Variants in SMOC1 observed in about 807,000 individuals in gnomAD.
The protein encoded by SMOC1 is SPARC-related modular calcium-binding protein 1.
Under a neutral mutation model 56.3 loss-of-function variants are expected in SMOC1, and 22 were observed. The ratio of observed to expected loss-of-function variants is 0.39; its 90% confidence interval spans 0.28 to 0.56. The LOEUF is 0.56. SMOC1 is among the 20% of genes least tolerant of loss of function. SMOC1 has a pLI of 0.61. For missense variants in SMOC1, 509 were observed against 565.4 expected, an observed-to-expected ratio of 0.90 and a Z score of 1.01; for synonymous variants, 193 against 215.0, an observed-to-expected ratio of 0.90 and a Z score of 0.89.
intron 5 of SMOC1, among the ~76,000 whole-genome samples, chr14:69,980,320 C>T (rs1237967520): frequency 1.3e-5 from 2 of 152,158 alleles, no homozygotes; most frequent in Non-Finnish European, 1.5e-5. Flanking sequence ...TCGATGGGTC[C>T]CTTCCTCCAA....
At chr14:70,028,512 T>G (rs1382886897) in intron 11 of SMOC1, among the ~76,000 whole-genome samples, 1 of 152,214 alleles carries the variant, frequency 6.6e-6, no homozygotes, top group Non-Finnish European at 1.5e-5. Context: ...TCAAATAAAG[T>G]CGCTCTGAGG....
chr14:69,930,271 A>G (rs745643891), intron 1 of SMOC1, among the ~76,000 whole-genome samples: 2 of 151,140 alleles, frequency 1.3e-5, no homozygotes, highest in Non-Finnish European at 2.9e-5. Flanking sequence ...GAGGGACCTC[A>G]CTGCCCATCC....
chr14:70,026,518 G>T (rs1284627990), intron 11 of SMOC1, among the ~76,000 whole-genome samples: 1 of 152,218 alleles, frequency 6.6e-6, no homozygotes, highest in Non-Finnish European at 1.5e-5. Flanking sequence ...TAGATTTAGG[G>T]ATCCCTGGTC....
intron 7 of SMOC1, among the ~76,000 whole-genome samples, chr14:69,995,639 A>G (rs748417565): frequency 6.6e-6 from 1 of 152,256 alleles, no homozygotes; most frequent in Non-Finnish European, 1.5e-5. Flanking sequence ...CTCAATTCTC[A>G]TTCACAAAAT....
intron 11 of SMOC1, among the ~76,000 whole-genome samples, chr14:70,025,430 G>T (rs1266624925): frequency 1.3e-5 from 2 of 152,166 alleles, no homozygotes; most frequent in African/African-American, 4.8e-5. Flanking sequence ...TGGTTCTGGG[G>T]CTTACTGGTG....
chr14:69,900,778 A>G lies in SMOC1; in HGVS notation c.99+21001A>G, dbSNP rs998740590. 5.0e-4 allele frequency among the ~76,000 whole-genome samples: 76 copies of G among 152,228 alleles called. 6 individuals carry two copies. Among genetic ancestry groups the G allele is most frequent in the Non-Finnish European group, 7.3e-5 (5 of 68,036 alleles). On this transcript the variant is annotated intron_variant, in intron 1 of 11. Coordinates refer to ENST00000361956, the MANE Select transcript of SMOC1 (RefSeq NM_001034852.3). ...GAAACCTGATAACCAGGCATTCCCT[A>G]TTGCTAAAACAAGGTGAATTGCACT... is the stretch of plus-strand genomic sequence containing the variant.
At chr14:69,966,347 G>C (rs989270118) in intron 3 of SMOC1, among the ~76,000 whole-genome samples, 18 of 152,178 alleles carry the variant, frequency 1.2e-4, no homozygotes, top group African/African-American at 3.6e-4. Flanking sequence ...TGTTCCAAAT[G>C]TCTTTATATG....
At chr14:69,938,365 T>C (rs1882406395) in intron 1 of SMOC1, among the ~76,000 whole-genome samples, 1 of 151,968 alleles carries the variant, frequency 6.6e-6, no homozygotes, top group African/African-American at 2.4e-5. Context: ...GAACAGTCGG[T>C]GGTAAAAGCA....
intron 5 of SMOC1, among the ~76,000 whole-genome samples, chr14:69,979,946 T>C (rs1005598926): frequency 2.0e-5 from 3 of 152,132 alleles, no homozygotes; most frequent in Admixed American, 2.0e-4. Context: ...AGCCATGGGA[T>C]TCTGGTTCTT....
chr14:69,922,471 C>T (rs571881040), intron 1 of SMOC1, among the ~76,000 whole-genome samples: 6 of 152,242 alleles, frequency 3.9e-5, no homozygotes, highest in African/African-American at 1.4e-4. Context: ...TGGGGAAAGT[C>T]GTGGATCAGG....
chr14:69,926,087 G>A (rs1885003888), intron 1 of SMOC1, among the ~76,000 whole-genome samples: 1 of 151,806 alleles, frequency 6.6e-6, no homozygotes, highest in South Asian at 2.1e-4. Flanking sequence ...TCCTGACTTG[G>A]TATTACCAAA....
intron 6 of SMOC1, among the ~76,000 whole-genome samples, chr14:69,993,385 A>AT (rs1246678747): frequency 6.6e-6 from 1 of 152,152 alleles, no homozygotes; most frequent in Non-Finnish European, 1.5e-5. Context: ...TATTCCCTTG[A>AT]TGAGGAACTG....
chr14:70,008,739 G>A (rs750807274), intron 7 of SMOC1, among the ~76,000 whole-genome samples: 1 of 152,244 alleles, frequency 6.6e-6, no homozygotes, highest in African/African-American at 2.4e-5. Context: ...CTCTGTCAGA[G>A]GTTGTTACAT....
intron 10 of SMOC1, among the ~76,000 whole-genome samples, chr14:70,015,112 T>C (rs1885462313): frequency 6.6e-6 from 1 of 152,126 alleles, no homozygotes; most frequent in African/African-American, 2.4e-5. Flanking sequence ...TTGTATACAG[T>C]GGAGTAATAT....
At chr14:69,979,231 A>G (rs1466968149) in intron 5 of SMOC1, among the ~76,000 whole-genome samples, 1 of 152,136 alleles carries the variant, frequency 6.6e-6, no homozygotes, top group Non-Finnish European at 1.5e-5. Context: ...GAAGAGGCGA[A>G]GTCACCCACT....
At chr14:70,030,117 A>AGGC in intron 11 of SMOC1, 125 bp from the exon 12 acceptor site, 1 of 1,423,478 alleles carries the variant, frequency 7.0e-7, no homozygotes, top group Non-Finnish European at 9.7e-7. Context: ...CAGGTGGAAA[A>AGGC]GGCTGCACTT....
At chr14:69,930,308 G>T (rs1033811331) in intron 1 of SMOC1, among the ~76,000 whole-genome samples, 1 of 143,204 alleles carries the variant, frequency 7.0e-6, no homozygotes, top group African/African-American at 2.9e-5. Flanking sequence ...CCAGAAGGCC[G>T]TCAGCTGCCG....
At chr14:70,021,386 C>T (rs76273467) in intron 10 of SMOC1, among the ~76,000 whole-genome samples, 3,383 of 152,282 alleles carry the variant, frequency 0.022, 58 homozygotes, top group Middle Eastern at 0.085. Flanking sequence ...AGATGGAAAA[C>T]ACCAGAATAC....
chr14:69,943,167 G>A (rs1882636014), intron 1 of SMOC1, among the ~76,000 whole-genome samples: 1 of 152,204 alleles, frequency 6.6e-6, no homozygotes, highest in Non-Finnish European at 1.5e-5. Context: ...TGGAGGGGGT[G>A]TCTGCTTTCC....
Sources: allele counts gnomAD v4.1 joint callset (sites outside exome capture counted in the v4.1 genomes callset), GRCh38; gene constraint gnomAD v4.1.1; transcripts MANE v1.5; gene names NCBI Gene and HGNC (gene_info 2026-07-23, HGNC 2026-07-21).